The following RAD51B variants were observed in gnomAD, a reference collection of about 807,000 sequenced individuals.
RAD51B encodes RAD51 paralog B, also known as DNA repair protein RAD51 homolog 2.
A neutral mutation model predicts 42.2 loss-of-function variants in RAD51B; 38 were observed. The observed-to-expected ratio is 0.90, with a 90% CI of 0.70 to 1.18. The LOEUF (loss-of-function observed/expected upper bound fraction) is 1.18, where lower values mean the gene tolerates loss of function less well. Ranked by LOEUF, RAD51B falls within the 50% of genes most tolerant of loss-of-function variation. The pLI, the probability that RAD51B is intolerant of heterozygous loss-of-function variation, is 0.00. For missense variants in RAD51B, 373 were observed against 400.7 expected (o/e 0.93, Z 0.59); for synonymous variants, 154 against 145.2 (o/e 1.06, Z -0.43).
chr14:68,119,205 G>A (rs554460253), intron 7 of RAD51B, among the ~76,000 whole-genome samples: 8 of 149,506 alleles, frequency 5.4e-5, no homozygotes, highest in East Asian at 3.9e-4. Flanking sequence ...TAATTTTTCC[G>A]ATTTTTTTGT....
At chr14:67,878,490 C>G (rs2042800786) in intron 5 of RAD51B, among the ~76,000 whole-genome samples, 1 of 151,562 alleles carries the variant, frequency 6.6e-6, no homozygotes. Context: ...GTTATGCTAT[C>G]TTTTGTTATC....
rs944827855 is a variant in RAD51B at position 68,595,372 on chromosome 14, C to G, written c.*769C>G. On this transcript the variant is annotated 3_prime_UTR_variant, in exon 11 of 11. Transcript: ENST00000487270. ...GCCAAAGGGAAATCAGTCAAGGGAG[C>G]CTGTTTTGTCTGAAATAATGCATCC... 5 of 1,066,244 alleles carry G rather than the reference C, an allele frequency of 4.7e-6. No homozygotes were observed. The African/African-American group carries it at 8.2e-5, about 17-fold the overall frequency. The allele number at this position is 1,066,244 out of a possible 1,614,324, so 66.0% of individuals were successfully genotyped here.
chr14:68,118,289 A>G (rs1488923644), intron 7 of RAD51B, among the ~76,000 whole-genome samples: 1 of 152,212 alleles, frequency 6.6e-6, no homozygotes, highest in East Asian at 1.9e-4. Flanking sequence ...ATCAGTAGAC[A>G]TCATTTAAAT....
chr14:67,903,482 T>C (rs1416596145), intron 7 of RAD51B, among the ~76,000 whole-genome samples: 4 of 152,184 alleles, frequency 2.6e-5, no homozygotes, highest in Non-Finnish European at 5.9e-5. Context: ...ATTATGGATA[T>C]AAAACATATT....
chr14:67,888,491 G>A (rs1396611281), intron 7 of RAD51B, among the ~76,000 whole-genome samples: 1 of 152,102 alleles, frequency 6.6e-6, no homozygotes, highest in Admixed American at 6.6e-5. Context: ...TACTCAAGAG[G>A]CTGAGGTGGG....
At chr14:68,177,190 CACAA>C in intron 7 of RAD51B, among the ~76,000 whole-genome samples, 1 of 152,314 alleles carries the variant, frequency 6.6e-6, no homozygotes, top group South Asian at 2.1e-4. Flanking sequence ...TAATTCTGTA[CACAA>C]ACACTTAGTG....
chr14:68,682,346 A>G (rs1379692443), intron 11 of RAD51B, among the ~76,000 whole-genome samples: 3 of 152,324 alleles, frequency 2.0e-5, no homozygotes, highest in African/African-American at 7.2e-5. Flanking sequence ...TGATCTCTAG[A>G]AAAACTGAAA....
intron 7 of RAD51B, among the ~76,000 whole-genome samples, chr14:68,231,212 C>T (rs927145847): frequency 9.2e-5 from 14 of 151,736 alleles, no homozygotes; most frequent in African/African-American, 3.1e-4. Flanking sequence ...AAATATTTTC[C>T]TTCATGCTTT....
At chr14:68,654,146 G>A (rs541144062) in intron 11 of RAD51B, among the ~76,000 whole-genome samples, 1 of 152,352 alleles carries the variant, frequency 6.6e-6, no homozygotes, top group East Asian at 1.9e-4. Flanking sequence ...CTTGGGAAGG[G>A]AACAGAAGGG....
chr14:68,505,573 C>T (rs948706184), intron 10 of RAD51B, among the ~76,000 whole-genome samples: 6 of 118,320 alleles, frequency 5.1e-5, no homozygotes, highest in African/African-American at 2.0e-4. Flanking sequence ...TTTTTTGAGA[C>T]GGAGTCTCGC....
At chr14:67,984,114 T>C (rs552953623) in intron 7 of RAD51B, among the ~76,000 whole-genome samples, 2 of 152,204 alleles carry the variant, frequency 1.3e-5, no homozygotes, top group South Asian at 2.1e-4. Flanking sequence ...AATATTTGTA[T>C]TGTTAGTAGA....
intron 10 of RAD51B, among the ~76,000 whole-genome samples, chr14:68,523,348 G>A (rs1357658244): frequency 6.6e-6 from 1 of 152,198 alleles, no homozygotes; most frequent in Non-Finnish European, 1.5e-5. Flanking sequence ...AGTGGAGTTG[G>A]GGCATGGTGG....
chr14:68,342,651 C>T (rs1358788310), intron 8 of RAD51B, among the ~76,000 whole-genome samples: 1 of 152,046 alleles, frequency 6.6e-6, no homozygotes, highest in Non-Finnish European at 1.5e-5. Context: ...ATTTCCTTAC[C>T]ATAAAGTGAA....
intron 7 of RAD51B, among the ~76,000 whole-genome samples, chr14:68,265,947 A>G (rs1014364604): frequency 2.0e-5 from 3 of 152,192 alleles, no homozygotes; most frequent in East Asian, 1.9e-4. Context: ...AGCATTGGAA[A>G]TGGACATTTA....
At chr14:68,567,945 TC>T (rs1889504582) in intron 10 of RAD51B, among the ~76,000 whole-genome samples, 1 of 152,178 alleles carries the variant, frequency 6.6e-6, no homozygotes, top group South Asian at 2.1e-4. Flanking sequence ...GGGGTCCCGT[TC>T]ACATGATATG....
chr14:67,911,408 C>T (rs185957178), intron 7 of RAD51B, among the ~76,000 whole-genome samples: 1 of 152,280 alleles, frequency 6.6e-6, no homozygotes, highest in East Asian at 1.9e-4. Flanking sequence ...TATTATTTTA[C>T]ACCACTTTGA....
At position 68,323,896 on chromosome 14, in the gene RAD51B, A is replaced by G. The variant is rs545674390; in HGVS notation, c.853+31916A>G. 2.0e-5 allele frequency among the ~76,000 whole-genome samples: 3 copies of G among 152,314 alleles called. No homozygotes were observed. In the South Asian group the frequency reaches 6.2e-4, roughly 32 times the overall value. The stretch of plus-strand genomic sequence containing the variant: ...TTTCTGGAGTTCAAGCTTCACCTTC[A>G]AGCATGATATTCAGATTCCATGAGA... On this transcript the variant is annotated intron_variant, in intron 8 of 10. Coordinates refer to ENST00000471583, the MANE Select transcript of RAD51B (RefSeq NM_133510.4).
intron 8 of RAD51B, among the ~76,000 whole-genome samples, chr14:68,383,737 C>T (rs953848574): frequency 3.3e-5 from 5 of 152,052 alleles, no homozygotes; most frequent in Non-Finnish European, 7.4e-5. Flanking sequence ...TCAGGGTCTT[C>T]TTCACCTGTG....
intron 7 of RAD51B, among the ~76,000 whole-genome samples, chr14:68,057,768 A>T (rs2076500582): frequency 6.6e-6 from 1 of 151,768 alleles, no homozygotes; most frequent in Admixed American, 6.6e-5. Flanking sequence ...TAAATGATGA[A>T]AATAAAATCT....
Sources: allele counts gnomAD v4.1 joint callset (sites outside exome capture counted in the v4.1 genomes callset), GRCh38; gene constraint gnomAD v4.1.1; transcripts MANE v1.5; gene names NCBI Gene and HGNC (gene_info 2026-07-23, HGNC 2026-07-21).